Variants in MC2R observed in about 807,000 individuals in gnomAD.
MC2R encodes the protein adrenocorticotropic hormone receptor.
In MC2R, 9 loss-of-function variants were observed where a neutral mutation model predicts 9.8. The observed-to-expected ratio is 0.92, with a 90% confidence interval of 0.55 to 1.60. The LOEUF (loss-of-function observed/expected upper bound fraction) is 1.60. Ranked by LOEUF, MC2R falls within the 40% of genes most tolerant of loss-of-function variation. MC2R has a pLI of 0.00. For missense variants in MC2R, 370 were observed against 389.0 expected (o/e 0.95, Z 0.41); for synonymous variants, 185 against 154.7 (o/e 1.20, Z -1.45).
At chr18:13,909,452 C>T (rs1020236957) in intron 1 of MC2R, among the ~76,000 whole-genome samples, 1 of 152,174 alleles carries the variant, frequency 6.6e-6, no homozygotes, top group Admixed American at 6.5e-5. Context: ...GAATGCATAG[C>T]CCTCACATAC....
chr18:13,886,315 C>T (rs954648797), intron 1 of MC2R, among the ~76,000 whole-genome samples: 6 of 152,178 alleles, frequency 3.9e-5, no homozygotes, highest in Admixed American at 2.6e-4. Context: ...AATTTTGAGC[C>T]GAGAGATGAT....
In MC2R at chr18:13,885,563, T is replaced by C. The variant is rs775474804; in HGVS notation, c.-45A>G. 3.1e-6 allele frequency: 5 copies of C among 1,605,684 alleles called. No individual in the cohort carries two copies. Among genetic ancestry groups the C allele is most frequent in the South Asian group, 2.2e-5 (2 of 90,408 alleles). On this transcript the variant is annotated 5_prime_UTR_variant, in exon 2 of 2. Coordinates refer to ENST00000327606, the MANE Select transcript of MC2R (RefSeq NM_000529.2). ...GGCGGGGATGTTACTTGGACTTGAC[T>C]TCACGGAAAACTTGATTGATTCTTC...
chr18:13,886,784 T>C (rs2045279055), intron 1 of MC2R, among the ~76,000 whole-genome samples: 1 of 152,082 alleles, frequency 6.6e-6, no homozygotes, highest in Non-Finnish European at 1.5e-5. Context: ...AGGAAGACAC[T>C]TCCTAGGGAG....
rs572402713 is a variant in MC2R at position 13,883,352 on chromosome 18, T to C, written c.*1273A>G. On this transcript the variant is annotated 3_prime_UTR_variant, in exon 2 of 2. Transcript: ENST00000327606. ...TAAAAATGAATGAACTTGCAAATTA[T>C]GTTTCTTTTATTCCTACTGGGGTTG... 2.4e-4 allele frequency: 37 copies of C among 152,330 alleles called. No individual in the cohort carries two copies. The highest frequency in any genetic ancestry group is 8.7e-4 in the African/African-American group (36 of 41,570). The allele number at this position is 152,330 out of a possible 1,614,324, so 9.4% of individuals were successfully genotyped here. A position where few individuals can be genotyped will look rare whatever the true frequency, so the allele number is the denominator to read the frequency against.
rs1021920355 is a variant in MC2R at position 13,883,324 on chromosome 18, T to G, written c.*1301A>C. The G allele has an allele frequency of 6.6e-6, 1 of 152,238 alleles. No homozygotes were observed. Among genetic ancestry groups the G allele is most frequent in the Non-Finnish European group, 1.5e-5 (1 of 68,048 alleles). The allele number at this position is 152,238 out of a possible 1,614,324, so 9.4% of individuals were successfully genotyped here. A position where few individuals can be genotyped will look rare whatever the true frequency, so the allele number is the denominator to read the frequency against. ...CTTCTCCTTTAAGCTGATTTTTAGC[T>G]ATTAAAAATGAATGAACTTGCAAAT... On this transcript the variant is annotated 3_prime_UTR_variant, in exon 2 of 2. Transcript: ENST00000327606.
chr18:13,909,960 G>A (rs913619414), intron 1 of MC2R, among the ~76,000 whole-genome samples: 2 of 152,104 alleles, frequency 1.3e-5, no homozygotes, highest in Non-Finnish European at 2.9e-5. Flanking sequence ...TTCTTTCATG[G>A]ATGATGCTTT....
chr18:13,913,113 G>A (rs1312560685), intron 1 of MC2R, among the ~76,000 whole-genome samples: 5 of 152,102 alleles, frequency 3.3e-5, no homozygotes, highest in Admixed American at 6.6e-5. Context: ...ATCTTAGGAC[G>A]AGCGAAGGAA....
At chr18:13,894,136 TTGTGTGTG>T (rs35649882) in intron 1 of MC2R, among the ~76,000 whole-genome samples, 3 of 148,956 alleles carry the variant, frequency 2.0e-5, no homozygotes, top group Admixed American at 6.7e-5. Context: ...GCATGTGTGT[TTGTGTGTG>T]TGTGTGTGTG....
At chr18:13,887,966 G>T (rs1050665949) in intron 1 of MC2R, among the ~76,000 whole-genome samples, 1 of 152,062 alleles carries the variant, frequency 6.6e-6, no homozygotes, top group African/African-American at 2.4e-5. Flanking sequence ...CAGAATCCTG[G>T]TTAATACAGG....
intron 1 of MC2R, among the ~76,000 whole-genome samples, chr18:13,889,115 C>A (rs1183769821): frequency 6.6e-6 from 1 of 152,206 alleles, no homozygotes; most frequent in African/African-American, 2.4e-5. Flanking sequence ...CTCCTGGGCT[C>A]AAGGCATCCT....
chr18:13,906,293 G>A (rs2045414010), intron 1 of MC2R, among the ~76,000 whole-genome samples: 1 of 152,168 alleles, frequency 6.6e-6, no homozygotes, highest in South Asian at 2.1e-4. Flanking sequence ...CATGGATAAA[G>A]CTGGAAGCCA....
At chr18:13,893,797 G>T (rs968282795) in intron 1 of MC2R, among the ~76,000 whole-genome samples, 1 of 152,212 alleles carries the variant, frequency 6.6e-6, no homozygotes, top group Admixed American at 6.5e-5. Flanking sequence ...GGGTGAAGAT[G>T]AATCACTGAC....
chr18:13,899,058 C>A (rs2045363597), intron 1 of MC2R, among the ~76,000 whole-genome samples: 1 of 152,088 alleles, frequency 6.6e-6, no homozygotes, highest in Non-Finnish European at 1.5e-5. Context: ...AGATATATGA[C>A]CTTTCAGACA....
At chr18:13,906,309 C>T (rs1421059272) in intron 1 of MC2R, among the ~76,000 whole-genome samples, 1 of 152,144 alleles carries the variant, frequency 6.6e-6, no homozygotes, top group East Asian at 1.9e-4. Context: ...AGCCATCATC[C>T]TCAGCAAATT....
chr18:13,895,968 G>A (rs2045343873), intron 1 of MC2R, among the ~76,000 whole-genome samples: 1 of 152,200 alleles, frequency 6.6e-6, no homozygotes, highest in African/African-American at 2.4e-5. Flanking sequence ...AGGCAGCCCA[G>A]AGGAAGATAC....
chr18:13,905,350 G>A (rs763775465), intron 1 of MC2R, among the ~76,000 whole-genome samples: 63 of 151,626 alleles, frequency 4.2e-4, no homozygotes, highest in Non-Finnish European at 7.1e-4. Flanking sequence ...GCTGGGCTTC[G>A]TGGCGTGTGC....
At chr18:13,891,640 TCTTA>T (rs2045316347) in intron 1 of MC2R, among the ~76,000 whole-genome samples, 1 of 152,196 alleles carries the variant, frequency 6.6e-6, no homozygotes, top group Non-Finnish European at 1.5e-5. Flanking sequence ...TGTTTCAGCA[TCTTA>T]CTTTGGTCTA....
chr18:13,884,534 G>T lies in MC2R; in HGVS notation c.*91C>A. On this transcript the variant is annotated 3_prime_UTR_variant, in exon 2 of 2. Coordinates refer to ENST00000327606, the MANE Select transcript of MC2R (RefSeq NM_000529.2). ...TGCATCCATTAGGGAAGGAAGGCCA[G>T]TGAGGAGCACTGGCATTTGTTGGAA... is the stretch of plus-strand genomic sequence containing the variant. 1 of 1,405,910 alleles carries T rather than the reference G, an allele frequency of 7.1e-7. No homozygotes were observed. The highest frequency in any genetic ancestry group is 1.0e-6 in the Non-Finnish European group (1 of 1,004,666). 87.1% of individuals were successfully genotyped at this position (1,405,910 alleles called of 1,614,324 possible).
chr18:13,898,740 G>C (rs1449494654), intron 1 of MC2R, among the ~76,000 whole-genome samples: 2 of 152,226 alleles, frequency 1.3e-5, no homozygotes, highest in Non-Finnish European at 1.5e-5. Context: ...TGGTAATCCA[G>C]ATAATTCTCC....
Sources: gnomAD v4.1 joint callset for allele counts (sites outside exome capture counted in the v4.1 genomes callset) on GRCh38, gnomAD v4.1.1 for gene constraint, MANE v1.5 for transcripts, NCBI Gene and HGNC (gene_info 2026-07-23, HGNC 2026-07-21) for gene names.